DYNC1H1: variants seen among roughly 807,000 people sequenced by gnomAD.
The protein encoded by DYNC1H1 is dynein cytoplasmic 1 heavy chain 1, also known as cytoplasmic dynein 1 heavy chain 1.
DYNC1H1 carries 51 observed loss-of-function variants against 527.1 expected under a neutral mutation model. The ratio of observed to expected loss-of-function variants is 0.10; its 90% confidence interval spans 0.08 to 0.12. The LOEUF (loss-of-function observed/expected upper bound fraction) is 0.12, where lower values mean the gene tolerates loss of function less well. DYNC1H1 is among the 10% of genes least tolerant of loss of function. The pLI is 1.00. For missense variants in DYNC1H1, 2,771 were observed against 5,971.8 expected, an observed-to-expected ratio of 0.46 and a Z score of 17.66; for synonymous variants, 2,189 against 2,278.8, an observed-to-expected ratio of 0.96 and a Z score of 1.12.
Position 101,985,839 on chromosome 14 carries a change from T to C in DYNC1H1, c.1614T>C (p.Val538=). 6.2e-7 allele frequency: 1 copy of C among 1,614,132 alleles called. No homozygotes were observed. The highest frequency in any genetic ancestry group is 8.5e-7 in the Non-Finnish European group (1 of 1,180,028). Reference sequence around the variant, plus strand: ...TCAAGGAAGTGGATGGACTGGATGTTTCCAAAGAGGGCACGGAAGCCTGGG... The same window carrying C: ...TCAAGGAAGTGGATGGACTGGATGTCTCCAAAGAGGGCACGGAAGCCTGGG... The part of the protein sequence containing the change: ...ENVKEVDGLD[V]SKEGTEAWEA... The change falls in exon 8 of 78, where the codon GTT becomes GTC. Residue 538 remains valine, a synonymous_variant. Transcript: ENST00000360184. This position sits in a 1 kb window ranked among gnomAD's most constrained non-coding sequence, Gnocchi z 5.9.
In DYNC1H1 at chr14:102,012,535, A is replaced by G. The variant is rs1276735534; in HGVS notation, c.7014+65A>G. The stretch of plus-strand genomic sequence containing the variant: ...TTTGGCCAACTAAACTTCGTGTGCT[A>G]GCTAAGTGCAGCTCTGGAGTCATGG... On this transcript the variant is annotated intron_variant, in intron 34 of 77. Transcript: ENST00000360184. The surrounding 1 kb of genome is among the most constrained non-coding windows in gnomAD (Gnocchi z 4.9). The G allele has an allele frequency of 3.1e-6, 5 of 1,603,488 alleles. No individual in the cohort carries two copies. Among genetic ancestry groups the G allele is most frequent in the Admixed American group, 3.3e-5 (2 of 59,996 alleles).
rs2048136841 is a variant in DYNC1H1, at chr14:102,002,043, G to A, written c.4542+362G>A. On this transcript the variant is annotated intron_variant, in intron 21 of 77. Transcript: ENST00000360184. This position sits in a 1 kb window ranked among gnomAD's most constrained non-coding sequence, Gnocchi z 4.4. ...CTGCACTGGCCTCCTAAAGTGCCGGGATTACAGGCGTGAGTCACCACAGCC... is the reference window on the plus strand; with the variant it reads ...CTGCACTGGCCTCCTAAAGTGCCGGAATTACAGGCGTGAGTCACCACAGCC... 6.6e-6 allele frequency among the ~76,000 whole-genome samples: 1 copy of A among 152,124 alleles called. No homozygotes were observed. The highest frequency in any genetic ancestry group is 1.5e-5 in the Non-Finnish European group (1 of 68,026).
chr14:102,015,258 G>T lies in DYNC1H1; in HGVS notation c.7168G>T (p.Gly2390Trp). ...ARLRSIPLDE[G>W]EDEAQRRRKG... The stretch of plus-strand genomic sequence containing the variant: ...GCTGCGCAGCATCCCGCTGGATGAA[G>T]GGGAGGATGAGGCACAGCGGCGGCG... Residue 2390 changes from glycine (G) to tryptophan (W), a missense_variant, in exon 35 of 78, where the codon GGG becomes TGG. Around this residue, in one of 32 missense-constraint regions of DYNC1H1, gnomAD observed 122 missense variants for 168.4 expected, o/e 0.72. Transcript: ENST00000360184. The surrounding 1 kb of genome is among the most constrained non-coding windows in gnomAD (Gnocchi z 6.9). 5 of 1,614,246 alleles carry T rather than the reference G, an allele frequency of 3.1e-6. No individual in the cohort carries two copies. Among genetic ancestry groups the T allele is most frequent in the Non-Finnish European group, 4.2e-6 (5 of 1,180,050 alleles).
chr14:102,042,189 C>T lies in DYNC1H1; in HGVS notation c.12215-39C>T, dbSNP rs1567022516. 9 of 1,613,898 alleles carry T rather than the reference C, an allele frequency of 5.6e-6. No individual in the cohort carries two copies. The highest frequency in any genetic ancestry group is 4.4e-5 in the South Asian group (4 of 91,058). ...AGGATTTGTGGTGGGCATTGATGTCCGAGGCTGCCGCTGCTAACACTAAGT... is the reference window on the plus strand; with the variant it reads ...AGGATTTGTGGTGGGCATTGATGTCTGAGGCTGCCGCTGCTAACACTAAGT... On this transcript the variant is annotated intron_variant, in intron 66 of 77. Coordinates refer to ENST00000360184, the MANE Select transcript of DYNC1H1 (RefSeq NM_001376.5). This position sits in a 1 kb window ranked among gnomAD's most constrained non-coding sequence, Gnocchi z 5.7.
chr14:102,001,133 C>T lies in DYNC1H1; in HGVS notation c.4186-12C>T, dbSNP rs1253773327. On this transcript the variant is annotated splice_polypyrimidine_tract_variant and intron_variant, in intron 19 of 77. Coordinates refer to ENST00000360184, the MANE Select transcript of DYNC1H1 (RefSeq NM_001376.5). This position sits in a 1 kb window ranked among gnomAD's most constrained non-coding sequence, Gnocchi z 5.0. ...GCACCTGCACAGATCACTTTGTTTA[C>T]TTTCTCCACAGATAAATATGCTGGT... 6.2e-7 allele frequency: 1 copy of T among 1,614,202 alleles called. No homozygotes were observed. The highest frequency in any genetic ancestry group is 1.7e-5 in the Admixed American group (1 of 60,012).
At position 102,033,659 on chromosome 14, in the gene DYNC1H1, T is replaced by C. The variant is rs1426522564; in HGVS notation, c.10413+175T>C. 3.7e-6 allele frequency: 3 copies of C among 819,824 alleles called. No individual in the cohort carries two copies. Among genetic ancestry groups the C allele is most frequent in the Non-Finnish European group, 5.9e-6 (3 of 506,776 alleles). The allele number at this position is 819,824 out of a possible 1,614,324, so 50.8% of individuals were successfully genotyped here. ...ATACACACTGAGTAGTCACTAAGTG[T>C]TGTTAATTAGGATAGATTGATACAA... On this transcript the variant is annotated intron_variant, in intron 54 of 77. Transcript: ENST00000360184. The surrounding 1 kb of genome is among the most constrained non-coding windows in gnomAD (Gnocchi z 5.6).
In DYNC1H1 at chr14:102,047,809, T is replaced by C; in HGVS notation, c.13007-8T>C. 2 of 1,613,060 alleles carry C rather than the reference T, an allele frequency of 1.2e-6. No individual in the cohort carries two copies. The highest frequency in any genetic ancestry group is 1.7e-6 in the Non-Finnish European group (2 of 1,179,972). On this transcript the variant is annotated splice_polypyrimidine_tract_variant and splice_region_variant and intron_variant, in intron 72 of 77. Transcript: ENST00000360184. ...CCTTCCTGCTGCGACTGTGGGACTG[T>C]GGCCCAGGTGTGGACATGATCAGTA...
rs2048575494 is a variant in DYNC1H1 at position 102,036,387 on chromosome 14, C to T, written c.10755-102C>T. The T allele has an allele frequency of 4.6e-6, 7 of 1,515,164 alleles. No individual in the cohort carries two copies. In the Admixed American group the frequency reaches 1.2e-4, roughly 25 times the overall value. 93.9% of individuals were successfully genotyped at this position (1,515,164 alleles called of 1,614,324 possible). A position where few individuals can be genotyped will look rare whatever the true frequency, so the allele number is the denominator to read the frequency against. ...GGAAACCACTCTCGGGTGGTGGTAA[C>T]AGCCTATCAATCAGGGTCTCTCATC... is the stretch of plus-strand genomic sequence containing the variant. On this transcript the variant is annotated intron_variant, in intron 56 of 77. Transcript: ENST00000360184. This position sits in a 1 kb window ranked among gnomAD's most constrained non-coding sequence, Gnocchi z 5.6.
At chr14:101,980,826 GCTCCATGAGTCAT>G (rs1379023097) in intron 5 of DYNC1H1, among the ~76,000 whole-genome samples, 1 of 152,138 alleles carries the variant, frequency 6.6e-6, no homozygotes, top group Non-Finnish European at 1.5e-5. Context: ...CCACTGCTGG[GCTCCATGAGTCAT>G]CTCCACGAGT....
chr14:102,001,342 A>G lies in DYNC1H1; in HGVS notation c.4383A>G (p.Glu1461=). 2 of 1,614,168 alleles carry G rather than the reference A, an allele frequency of 1.2e-6. No homozygotes were observed. Among genetic ancestry groups the G allele is most frequent in the Non-Finnish European group, 8.5e-7 (1 of 1,180,030 alleles). ...LVAQGEMALE[E]FLKQIREVWN... The stretch of plus-strand genomic sequence containing the variant: ...CACAAGGGGAGATGGCTTTGGAAGA[A>G]TTTTTGAAGCAGGCGAGTAATAGGA... The change falls in exon 20 of 78, where the codon GAA becomes GAG. Residue 1461 remains glutamate, a synonymous_variant. Transcript: ENST00000360184. The surrounding 1 kb of genome is among the most constrained non-coding windows in gnomAD (Gnocchi z 5.0).
At position 102,027,798 on chromosome 14, in the gene DYNC1H1, G is replaced by A; in HGVS notation, c.9228G>A (p.Lys3076=). The change falls in exon 47 of 78, where the codon AAG becomes AAA. Residue 3076 remains lysine (K), a synonymous_variant. Coordinates refer to ENST00000360184, the MANE Select transcript of DYNC1H1 (RefSeq NM_001376.5). The surrounding 1 kb of genome is among the most constrained non-coding windows in gnomAD (Gnocchi z 7.7). ...FTMNPSSEGL[K]DRAATSPALF... ...TGAACCCGTCCTCGGAGGGACTCAAGGACCGGGCAGCTACATCACCAGCAC... is the reference window on the plus strand; with the variant it reads ...TGAACCCGTCCTCGGAGGGACTCAAAGACCGGGCAGCTACATCACCAGCAC... The A allele has an allele frequency of 6.2e-7, 1 of 1,614,174 alleles. No homozygotes were observed. Among genetic ancestry groups the A allele is most frequent in the South Asian group, 1.1e-5 (1 of 91,082 alleles).
chr14:101,972,299 T>A (rs1451461168), intron 1 of DYNC1H1, among the ~76,000 whole-genome samples: 1 of 152,106 alleles, frequency 6.6e-6, no homozygotes, highest in African/African-American at 2.4e-5. Context: ...ATTGTGTGAC[T>A]GTAAATGGGA....
Position 102,018,334 on chromosome 14 carries a change from C to G in DYNC1H1, c.8178-117C>G. Reference sequence around the variant, plus strand: ...TAACACTGATGTCAAGTCTGCATAGCTGGGTTAGGAAGCGACCTCCAGACA... The same window carrying G: ...TAACACTGATGTCAAGTCTGCATAGGTGGGTTAGGAAGCGACCTCCAGACA... On this transcript the variant is annotated intron_variant, in intron 40 of 77. Coordinates refer to ENST00000360184, the MANE Select transcript of DYNC1H1 (RefSeq NM_001376.5). This position sits in a 1 kb window ranked among gnomAD's most constrained non-coding sequence, Gnocchi z 5.2. 7.0e-7 allele frequency: 1 copy of G among 1,435,342 alleles called. No individual in the cohort carries two copies. Among genetic ancestry groups the G allele is most frequent in the South Asian group, 1.3e-5 (1 of 78,504 alleles). 88.9% of individuals were successfully genotyped at this position (1,435,342 alleles called of 1,614,324 possible). A position where few individuals can be genotyped will look rare whatever the true frequency, so the allele number is the denominator to read the frequency against.
rs1451752684 is a variant in DYNC1H1 at position 101,965,190 on chromosome 14, C to G, written c.256+243C>G. On this transcript the variant is annotated intron_variant, in intron 1 of 77. Transcript: ENST00000360184. The surrounding 1 kb of genome is among the most constrained non-coding windows in gnomAD (Gnocchi z 4.1). Reference sequence around the variant, plus strand: ...CCCTCGCCACACCCACTGCCCGGCCCGGAGCCCCCAGGGCGCCCCGCTCCT... The same window carrying G: ...CCCTCGCCACACCCACTGCCCGGCCGGGAGCCCCCAGGGCGCCCCGCTCCT... Among the ~76,000 whole-genome samples, 1 of 151,992 alleles carries G rather than the reference C, an allele frequency of 6.6e-6. No individual in the cohort carries two copies. The highest frequency in any genetic ancestry group is 1.5e-5 in the Non-Finnish European group (1 of 67,952).
chr14:102,049,843 C>G lies in DYNC1H1; in HGVS notation c.13645C>G (p.Gln4549Glu), dbSNP rs1224118030. ...LCLEVNVTTS[Q>E]GATLDACSFG... ...CCTGGAAGTCAACGTCACCACCTCACAGGGCGCCACCCTTGACGCTTGCAG... is the reference window on the plus strand; with the variant it reads ...CCTGGAAGTCAACGTCACCACCTCAGAGGGCGCCACCCTTGACGCTTGCAG... Residue 4549 changes from glutamine to glutamate, a missense_variant, in exon 76 of 78, where the codon CAG becomes GAG. By Grantham distance (29) the Gln-to-Glu change is conservative. Transcript: ENST00000360184. The surrounding 1 kb of genome is among the most constrained non-coding windows in gnomAD (Gnocchi z 5.5). 9 of 1,613,774 alleles carry G rather than the reference C, an allele frequency of 5.6e-6. No individual in the cohort carries two copies. The highest frequency in any genetic ancestry group is 6.8e-6 in the Non-Finnish European group (8 of 1,180,038).
At position 102,053,834 on chromosome 14, in the gene DYNC1H1, C is replaced by G. The variant is rs1402064147; in HGVS notation, c.*3271C>G. 1 of 150,478 alleles carries G rather than the reference C, an allele frequency of 6.6e-6. No homozygotes were observed. Among genetic ancestry groups the G allele is most frequent in the Non-Finnish European group, 1.5e-5 (1 of 67,936 alleles). The allele number at this position is 150,478 out of a possible 1,614,324, so 9.3% of individuals were successfully genotyped here. A position where few individuals can be genotyped will look rare whatever the true frequency, so the allele number is the denominator to read the frequency against. On this transcript the variant is annotated 3_prime_UTR_variant, in exon 78 of 78. Transcript: ENST00000360184. ...CAACCTCATCTCACTGCAGCCTAGACCTCCTGGGCTTAAGTGATCCTCCCA... is the reference window on the plus strand; with the variant it reads ...CAACCTCATCTCACTGCAGCCTAGAGCTCCTGGGCTTAAGTGATCCTCCCA...
Position 102,018,265 on chromosome 14 carries a change from G to T in DYNC1H1, c.8178-186G>T, listed in dbSNP as rs528384943. On this transcript the variant is annotated intron_variant, in intron 40 of 77. Transcript: ENST00000360184. This position sits in a 1 kb window ranked among gnomAD's most constrained non-coding sequence, Gnocchi z 5.2. ...TTTCAAGTGTTTTCCATCGACTGTT[G>T]TGTGTCAGACCCCAAGCCTGAGCAG... is the stretch of plus-strand genomic sequence containing the variant. 6.6e-6 allele frequency among the ~76,000 whole-genome samples: 1 copy of T among 152,288 alleles called. No homozygotes were observed. The highest frequency in any genetic ancestry group is 6.5e-5 in the Admixed American group (1 of 15,294).
chr14:102,049,629 G>C lies in DYNC1H1; in HGVS notation c.13515+47G>C. Reference sequence around the variant, plus strand: ...CTCGGGTGGTCAGCAGCTGTCCTGGGCTGGGGTGGGAGTGGCTCTGGGGAA... The same window carrying C: ...CTCGGGTGGTCAGCAGCTGTCCTGGCCTGGGGTGGGAGTGGCTCTGGGGAA... On this transcript the variant is annotated intron_variant, in intron 75 of 77. Coordinates refer to ENST00000360184, the MANE Select transcript of DYNC1H1 (RefSeq NM_001376.5). This position sits in a 1 kb window ranked among gnomAD's most constrained non-coding sequence, Gnocchi z 5.5. 6.2e-7 allele frequency: 1 copy of C among 1,613,202 alleles called. No homozygotes were observed. The highest frequency in any genetic ancestry group is 8.5e-7 in the Non-Finnish European group (1 of 1,180,028).
chr14:102,026,283 A>G (rs1039795360), intron 43 of DYNC1H1, among the ~76,000 whole-genome samples: 1 of 152,172 alleles, frequency 6.6e-6, no homozygotes, highest in African/African-American at 2.4e-5. Context: ...AGTTTGATGG[A>G]ACTGGCATTT....
Sources: gnomAD v4.1 joint callset for allele counts (sites outside exome capture counted in the v4.1 genomes callset) on GRCh38, gnomAD v4.1.1 for gene constraint, gnomAD v4.1.1 regional missense constraint, Gnocchi (gnomAD v3.1) non-coding constraint, MANE v1.5 for transcripts, NCBI Gene and HGNC (gene_info 2026-07-23, HGNC 2026-07-21) for gene names.